BRINP3: variants seen among roughly 807,000 people sequenced by gnomAD.
BRINP3 encodes the protein BMP/retinoic acid inducible neural specific 3, also known as BMP/retinoic acid-inducible neural-specific protein 3.
BRINP3 carries 19 observed loss-of-function variants against 71.0 expected under a neutral mutation model. The ratio of observed to expected loss-of-function variants is 0.27; its 90% confidence interval spans 0.19 to 0.39. BRINP3 has a LOEUF of 0.39. Among genes scored for constraint, BRINP3 ranks in the 10% least tolerant of loss-of-function variants. The probability of loss-of-function intolerance (pLI) is 1.00; values close to 1 mark genes in which losing one functional copy is unlikely to be tolerated. For missense variants in BRINP3, 959 were observed against 940.8 expected (o/e 1.02, Z -0.25); for synonymous variants, 380 against 337.7 (o/e 1.13, Z -1.37).
intron 2 of BRINP3, among the ~76,000 whole-genome samples, chr1:190,359,443 C>G (rs1668984620): frequency 6.6e-6 from 1 of 151,950 alleles, no homozygotes; most frequent in African/African-American, 2.4e-5. Flanking sequence ...ATCAATTATG[C>G]CTATATAATG....
intron 7 of BRINP3, 82 bp downstream of exon 7, chr1:190,160,586 A>C: frequency 9.0e-7 from 1 of 1,117,126 alleles, no homozygotes; most frequent in Non-Finnish European, 1.3e-6. Flanking sequence ...TTGTATATTA[A>C]CACACCTGCA....
intron 2 of BRINP3, among the ~76,000 whole-genome samples, chr1:190,344,530 T>C (rs1348563570): frequency 2.0e-5 from 3 of 152,014 alleles, no homozygotes; most frequent in South Asian, 2.1e-4. Context: ...CTACTCAGTA[T>C]AGCTCTGAAT....
In BRINP3 at chr1:190,403,357, A is replaced by G. The variant is rs553731791; in HGVS notation, c.236+51298T>C. Among the ~76,000 whole-genome samples the G allele has an allele frequency of 6.0e-4, 91 of 152,324 alleles. No individual in the cohort carries two copies. In the Middle Eastern group the frequency reaches 0.01, roughly 17 times the overall value. On this transcript the variant is annotated intron_variant, in intron 2 of 7. Transcript: ENST00000367462. The stretch of plus-strand genomic sequence containing the variant: ...TAACCCATTCCATTCTACTGGGTGA[A>G]TCACTTGAATTCTCATGTCCACACT...
chr1:190,250,876 A>G (rs950749414), intron 4 of BRINP3, among the ~76,000 whole-genome samples: 3 of 151,920 alleles, frequency 2.0e-5, no homozygotes, highest in Non-Finnish European at 4.4e-5. Context: ...GTACATTTTC[A>G]TAAGTTTTAA....
At chr1:190,440,370 C>T in intron 2 of BRINP3, among the ~76,000 whole-genome samples, 1 of 151,876 alleles carries the variant, frequency 6.6e-6, no homozygotes, top group Non-Finnish European at 1.5e-5. Context: ...AATCACCAAA[C>T]TATACTCAAA....
chr1:190,184,633 G>T (rs1171553708), intron 6 of BRINP3, among the ~76,000 whole-genome samples: 1 of 151,778 alleles, frequency 6.6e-6, no homozygotes, highest in African/African-American at 2.4e-5. Flanking sequence ...CGCAAAAACA[G>T]AAAAAAAATA....
chr1:190,186,497 T>C (rs185199940), intron 6 of BRINP3, among the ~76,000 whole-genome samples: 6 of 152,306 alleles, frequency 3.9e-5, no homozygotes, highest in Non-Finnish European at 8.8e-5. Context: ...AAAGGCCACA[T>C]CTTTTCACAA....
intron 2 of BRINP3, among the ~76,000 whole-genome samples, chr1:190,382,897 G>T (rs1670641781): frequency 6.6e-6 from 1 of 152,110 alleles, no homozygotes; most frequent in Non-Finnish European, 1.5e-5. Flanking sequence ...AAATGCCACA[G>T]TTCCTTCAAT....
intron 4 of BRINP3, among the ~76,000 whole-genome samples, chr1:190,254,892 T>A: frequency 6.6e-6 from 1 of 152,198 alleles, no homozygotes; most frequent in South Asian, 2.1e-4. Flanking sequence ...CCATTCAGTA[T>A]GATATTGTCT....
At chr1:190,140,677 C>T (rs1317498388) in intron 7 of BRINP3, among the ~76,000 whole-genome samples, 1 of 152,144 alleles carries the variant, frequency 6.6e-6, no homozygotes. Context: ...AATTTGTTTT[C>T]AAATTTAGTG....
At chr1:190,140,070 C>G (rs993258858) in intron 7 of BRINP3, among the ~76,000 whole-genome samples, 1 of 152,092 alleles carries the variant, frequency 6.6e-6, no homozygotes, top group Admixed American at 6.6e-5. Context: ...GATAATATTT[C>G]AACTGGGTTT....
At chr1:190,368,693 A>T (rs1669665157) in intron 2 of BRINP3, among the ~76,000 whole-genome samples, 1 of 152,146 alleles carries the variant, frequency 6.6e-6, no homozygotes, top group Admixed American at 6.5e-5. Flanking sequence ...ATCAGGAGAC[A>T]AGATAAGGGT....
At chr1:190,445,558 G>A (rs1013809983) in intron 2 of BRINP3, among the ~76,000 whole-genome samples, 7 of 146,870 alleles carry the variant, frequency 4.8e-5, no homozygotes, top group African/African-American at 1.5e-4. Flanking sequence ...ACACACGCAC[G>A]TGCATAACAC....
intron 2 of BRINP3, among the ~76,000 whole-genome samples, chr1:190,380,298 A>G (rs181697516): frequency 3.9e-5 from 6 of 152,284 alleles, no homozygotes; most frequent in African/African-American, 1.4e-4. Context: ...GCAGGCTTTA[A>G]AAGTGCGGAA....
chr1:190,301,327 T>G (rs1664724950), intron 2 of BRINP3, among the ~76,000 whole-genome samples: 1 of 148,994 alleles, frequency 6.7e-6, no homozygotes, highest in Admixed American at 6.7e-5. Context: ...TTTACTTCAT[T>G]TTATCTCTGC....
At chr1:190,192,634 T>A (rs1303299467) in intron 6 of BRINP3, among the ~76,000 whole-genome samples, 3 of 151,900 alleles carry the variant, frequency 2.0e-5, no homozygotes, top group Non-Finnish European at 2.9e-5. Flanking sequence ...TGCAAGAAGT[T>A]CTCTATGACC....
chr1:190,250,752 T>C (rs1660057381), intron 4 of BRINP3, among the ~76,000 whole-genome samples: 1 of 151,972 alleles, frequency 6.6e-6, no homozygotes, highest in Non-Finnish European at 1.5e-5. Flanking sequence ...CCCCTTGACA[T>C]ATGGGAAGCA....
intron 4 of BRINP3, among the ~76,000 whole-genome samples, chr1:190,250,725 G>C (rs1660053859): frequency 6.6e-6 from 1 of 151,940 alleles, no homozygotes; most frequent in Admixed American, 6.6e-5. Flanking sequence ...GGCTGCATTT[G>C]CCTGATACGC....
chr1:190,350,480 A>G (rs189405465), intron 2 of BRINP3, among the ~76,000 whole-genome samples: 1 of 152,240 alleles, frequency 6.6e-6, no homozygotes, highest in East Asian at 1.9e-4. Context: ...GACCTTAAAA[A>G]TGGACACCAA....
Sources: allele counts gnomAD v4.1 joint callset (sites outside exome capture counted in the v4.1 genomes callset), GRCh38; gene constraint gnomAD v4.1.1; transcripts MANE v1.5; gene names NCBI Gene and HGNC (gene_info 2026-07-23, HGNC 2026-07-21).